Variants in AK9 observed in about 807,000 individuals in gnomAD.
AK9 encodes the protein adenylate kinase domain containing 1.
In AK9, 191 loss-of-function variants were observed where a neutral mutation model predicts 239.6. That is an observed-to-expected ratio of 0.80 (90% confidence interval 0.71 to 0.90). The LOEUF (loss-of-function observed/expected upper bound fraction) is 0.90. AK9 is among the 40% of genes least tolerant of loss of function. The probability of loss-of-function intolerance (pLI) is 0.00; values close to 1 mark genes in which losing one functional copy is unlikely to be tolerated. For missense variants in AK9, 1,995 were observed against 2,214.7 expected (o/e 0.90, Z 1.99); for synonymous variants, 689 against 721.0 (o/e 0.96, Z 0.71).
intron 29 of AK9, 31 bp downstream of exon 29, chr6:109,528,980 C>A (rs1434036152): frequency 1.8e-5 from 28 of 1,546,904 alleles, no homozygotes; most frequent in Non-Finnish European, 2.3e-5. Context: ...GAGTGAGACC[C>A]TGTTTTGAAA....
intron 9 of AK9, among the ~76,000 whole-genome samples, chr6:109,642,843 A>C (rs1288240393): frequency 1.3e-5 from 2 of 152,182 alleles, no homozygotes; most frequent in Admixed American, 1.3e-4. Context: ...ACTAGCAGAC[A>C]TCCAATTGGA....
At chr6:109,529,453 G>A (rs555439972) in intron 28 of AK9, among the ~76,000 whole-genome samples, 4 of 152,252 alleles carry the variant, frequency 2.6e-5, no homozygotes, top group South Asian at 2.1e-4. Flanking sequence ...CTACCATAGC[G>A]ATCCCCAACC....
chr6:109,671,163 T>C (rs1052879285), intron 5 of AK9, among the ~76,000 whole-genome samples: 54 of 152,162 alleles, frequency 3.5e-4, no homozygotes, highest in African/African-American at 1.3e-3. Context: ...AGTTATGGTT[T>C]TTACTTTCCT....
chr6:109,677,570 C>A (rs1771941086), intron 1 of AK9, among the ~76,000 whole-genome samples: 4 of 152,064 alleles, frequency 2.6e-5, no homozygotes, highest in Non-Finnish European at 5.9e-5. Context: ...TGCAGGAGTC[C>A]TAGCCCTGCT....
intron 21 of AK9, among the ~76,000 whole-genome samples, chr6:109,568,638 GACAA>G (rs1225516247): frequency 6.6e-6 from 1 of 152,244 alleles, no homozygotes; most frequent in African/African-American, 2.4e-5. Context: ...ACCAATAACA[GACAA>G]ACAGAGAGCC....
At chr6:109,667,572 G>A (rs1801394830) in intron 5 of AK9, among the ~76,000 whole-genome samples, 1 of 142,250 alleles carries the variant, frequency 7.0e-6, no homozygotes, top group South Asian at 2.2e-4. Flanking sequence ...CCCACAACAG[G>A]CTCCAGTGTG....
intron 20 of AK9, among the ~76,000 whole-genome samples, chr6:109,576,681 CTTTT>C (rs1336204893): frequency 1.3e-5 from 2 of 151,848 alleles, no homozygotes; most frequent in Admixed American, 1.3e-4. Flanking sequence ...TTATTTCTTT[CTTTT>C]GTCTGATTCC....
chr6:109,599,058 G>C (rs1200241145), intron 17 of AK9, among the ~76,000 whole-genome samples: 1 of 151,918 alleles, frequency 6.6e-6, no homozygotes. Flanking sequence ...TCTTTTGCTG[G>C]GCAGAAGCTC....
chr6:109,514,232 T>C lies in AK9; in HGVS notation c.4271A>G (p.Lys1424Arg), dbSNP rs1317477052. 1.3e-6 allele frequency: 2 copies of C among 1,550,434 alleles called. No individual in the cohort carries two copies. The change falls in exon 32 of 41, where the codon AAA (lysine) becomes AGA (arginine). Residue 1424 changes from lysine (K) to arginine (R), a missense_variant. Lys to Arg is a conservative substitution (Grantham distance 26). Around this residue, in one of 5 missense-constraint regions of AK9, gnomAD observed 1,290 missense variants for 1,392.7 expected, o/e 0.93. Transcript: ENST00000424296. Reference sequence around the variant, plus strand: ...GGCAAACATACGCTCACCTGTAGTTTTCCCAGATTTTGGAGGCCCCACAAT... The same window carrying C: ...GGCAAACATACGCTCACCTGTAGTTCTCCCAGATTTTGGAGGCCCCACAAT... ...IIIVGPPKSG[K>R]TTVAKKITSE...
In AK9 at chr6:109,529,026, A is replaced by C. The variant is rs1312490898; in HGVS notation, c.3618T>G (p.Asp1206Glu). The C allele has an allele frequency of 8.1e-6, 13 of 1,597,296 alleles. No homozygotes were observed. The highest frequency in any genetic ancestry group is 1.7e-4 in the Middle Eastern group (1 of 5,920). Residue 1206 changes from aspartate (D) to glutamate (E), a missense_variant, in exon 29 of 41, where the codon GAT (aspartate) becomes GAG (glutamate). Transcript: ENST00000424296. ...KRRAELILER[D>E]KKRRENVVRD... ...AACTACTTACCTCCCTCCTTTTTTTATCTCTCTCTAATATAAGTTCAGCCC... is the reference window on the plus strand; with the variant it reads ...AACTACTTACCTCCCTCCTTTTTTTCTCTCTCTCTAATATAAGTTCAGCCC...
At chr6:109,687,331 G>C (rs6924269) in intron 1 of AK9, among the ~76,000 whole-genome samples, 63,673 of 152,072 alleles carry the variant, frequency 0.42, 15,080 homozygotes, top group African/African-American at 0.64. Context: ...ACCCTAATCT[G>C]ACCTCCAGTG....
intron 21 of AK9, among the ~76,000 whole-genome samples, chr6:109,567,371 C>A (rs1044050342): frequency 3.3e-5 from 5 of 152,100 alleles, no homozygotes; most frequent in Admixed American, 3.3e-4. Flanking sequence ...CCTCCCAAGA[C>A]TAAACCAGGA....
intron 24 of AK9, among the ~76,000 whole-genome samples, chr6:109,556,655 G>A (rs573948992): frequency 1.0e-3 from 157 of 152,050 alleles, no homozygotes; most frequent in Non-Finnish European, 1.9e-3. Context: ...TCAATTGTAG[G>A]TTTGGTCTTT....
chr6:109,505,017 C>G (rs1777972332), intron 35 of AK9, among the ~76,000 whole-genome samples: 1 of 152,138 alleles, frequency 6.6e-6, no homozygotes, highest in Admixed American at 6.5e-5. Context: ...GGAGTGTTTC[C>G]CAGTGCGATC....
At chr6:109,600,540 T>G (rs535148872) in intron 17 of AK9, among the ~76,000 whole-genome samples, 1 of 152,288 alleles carries the variant, frequency 6.6e-6, no homozygotes, top group East Asian at 1.9e-4. Flanking sequence ...TACAATTCTC[T>G]TTTTTTGTTG....
At chr6:109,506,920 C>T in intron 33 of AK9, 120 bp from the exon 34 acceptor site, 1 of 1,370,000 alleles carries the variant, frequency 7.3e-7, no homozygotes, top group Non-Finnish European at 9.5e-7. Flanking sequence ...TTATGTAACT[C>T]AATTTATTTT....
Position 109,633,223 on chromosome 6 carries a change from T to C in AK9, c.1034A>G (p.Asp345Gly). ...WGRTCPVNLKDGNIYSGLPDY... is the reference protein window; with the variant it reads ...WGRTCPVNLKGGNIYSGLPDY... ...TGGTAATCCTGAATAAATGTTACCA[T>C]CTTTTAAATTCACAGGACATGTACG... is the stretch of plus-strand genomic sequence containing the variant. Residue 345 changes from aspartate to glycine, a missense_variant, in exon 11 of 41, where the codon GAT becomes GGT. By Grantham distance (94) the Asp-to-Gly change is moderately conservative. Transcript: ENST00000424296. 1 of 1,603,234 alleles carries C rather than the reference T, an allele frequency of 6.2e-7. No individual in the cohort carries two copies. Among genetic ancestry groups the C allele is most frequent in the South Asian group, 1.1e-5 (1 of 87,552 alleles).
chr6:109,505,794 T>C (rs771597164), intron 35 of AK9, among the ~76,000 whole-genome samples: 5 of 152,168 alleles, frequency 3.3e-5, no homozygotes, highest in Non-Finnish European at 5.9e-5. Flanking sequence ...AGAACAAACA[T>C]GCCCACGTCA....
At chr6:109,601,363 G>C (rs927058632) in intron 17 of AK9, among the ~76,000 whole-genome samples, 6 of 152,232 alleles carry the variant, frequency 3.9e-5, no homozygotes, top group Middle Eastern at 3.4e-3. Flanking sequence ...GCAGGTTGTT[G>C]AGTTTCGATG....
Sources: allele counts gnomAD v4.1 joint callset (sites outside exome capture counted in the v4.1 genomes callset), GRCh38; gene constraint gnomAD v4.1.1; regional missense constraint gnomAD v4.1.1; transcripts MANE v1.5; gene names NCBI Gene and HGNC (gene_info 2026-07-23, HGNC 2026-07-21).